The following WWOX variants were observed in gnomAD, a reference collection of about 807,000 sequenced individuals.
WWOX encodes the protein WW domain-containing oxidoreductase.
A neutral mutation model predicts 46.2 loss-of-function variants in WWOX; 69 were observed. That is an observed-to-expected ratio of 1.49 (90% CI 1.23 to 1.82). The LOEUF is 1.82. WWOX is among the 40% of genes most tolerant of loss of function. The probability of loss-of-function intolerance (pLI) is 0.00; values close to 1 mark genes in which losing one functional copy is unlikely to be tolerated. For missense variants in WWOX, 919 were observed against 542.6 expected (o/e 1.69, Z -6.89); for synonymous variants, 359 against 202.6 (o/e 1.77, Z -6.56).
intron 8 of WWOX, among the ~76,000 whole-genome samples, chr16:78,777,269 G>A (rs570775922): frequency 2.0e-5 from 3 of 151,992 alleles, no homozygotes; most frequent in Admixed American, 6.6e-5. Context: ...CCTCTCAGGT[G>A]TCAATGCCAT....
chr16:78,723,567 CT>C (rs1206691099), intron 8 of WWOX, among the ~76,000 whole-genome samples: 1 of 28,340 alleles, frequency 3.5e-5, no homozygotes, highest in African/African-American at 2.0e-4. Context: ...CTTTTCTTTT[CT>C]TTTCTTTTCT....
intron 8 of WWOX, chr16:79,004,072 CTG>C (rs1432899709): frequency 6.6e-6 from 1 of 152,122 alleles, no homozygotes; most frequent in Admixed American, 6.5e-5. Context: ...TCTGGTGTTA[CTG>C]TCTGCATACT....
intron 8 of WWOX, among the ~76,000 whole-genome samples, chr16:79,086,818 G>A (rs961409212): frequency 2.6e-5 from 4 of 152,214 alleles, no homozygotes; most frequent in African/African-American, 9.6e-5. Flanking sequence ...GGGAGGTGAA[G>A]GATGCAGTGA....
At chr16:78,631,299 G>A (rs1013120114) in intron 8 of WWOX, among the ~76,000 whole-genome samples, 2 of 152,004 alleles carry the variant, frequency 1.3e-5, no homozygotes, top group African/African-American at 4.8e-5. Flanking sequence ...TTGTGTCAAG[G>A]CCTCACCACA....
chr16:78,971,826 A>T (rs947296974), intron 8 of WWOX, among the ~76,000 whole-genome samples: 1 of 152,084 alleles, frequency 6.6e-6, no homozygotes, highest in Admixed American at 6.5e-5. Context: ...TTTAAAGAGA[A>T]CACTAACAAG....
intron 8 of WWOX, among the ~76,000 whole-genome samples, chr16:79,182,526 A>T (rs1179062794): frequency 6.6e-6 from 1 of 151,920 alleles, no homozygotes; most frequent in Non-Finnish European, 1.5e-5. Flanking sequence ...AGAAGGAGGG[A>T]AAGTAATTAG....
chr16:79,062,370 C>T (rs945360335), intron 8 of WWOX, among the ~76,000 whole-genome samples: 1 of 152,088 alleles, frequency 6.6e-6, no homozygotes. Context: ...TCATAATAGT[C>T]GTGGAGGGAC....
intron 8 of WWOX, among the ~76,000 whole-genome samples, chr16:79,078,983 A>G (rs2048710951): frequency 6.6e-6 from 1 of 152,246 alleles, no homozygotes; most frequent in Non-Finnish European, 1.5e-5. Flanking sequence ...CAAATTTGAT[A>G]GAAATCAGTA....
chr16:78,688,345 G>A (rs986892710), intron 8 of WWOX, among the ~76,000 whole-genome samples: 1 of 148,648 alleles, frequency 6.7e-6, no homozygotes, highest in African/African-American at 2.5e-5. Flanking sequence ...GATCATTCAT[G>A]ATGAGTCACT....
chr16:78,104,259 C>G (rs2031994115), intron 1 of WWOX, among the ~76,000 whole-genome samples: 1 of 151,348 alleles, frequency 6.6e-6, no homozygotes. Flanking sequence ...CACACACACA[C>G]ACACACACAC....
chr16:79,065,265 C>G (rs564534298), intron 8 of WWOX, among the ~76,000 whole-genome samples: 1 of 152,058 alleles, frequency 6.6e-6, no homozygotes, highest in Non-Finnish European at 1.5e-5. Flanking sequence ...GACATTATGG[C>G]AGGAAAGAAA....
intron 8 of WWOX, among the ~76,000 whole-genome samples, chr16:78,692,107 C>G (rs1307292429): frequency 6.6e-6 from 1 of 152,106 alleles, no homozygotes; most frequent in Non-Finnish European, 1.5e-5. Context: ...CTTTTTCTTC[C>G]CAGTCTCAGG....
intron 5 of WWOX, among the ~76,000 whole-genome samples, chr16:78,216,121 C>A (rs1168143637): frequency 6.6e-6 from 1 of 152,056 alleles, no homozygotes; most frequent in African/African-American, 2.4e-5. Flanking sequence ...CCTGTGTGGA[C>A]CATTCCATCT....
Position 78,573,982 on chromosome 16 carries a change from C to G in WWOX, c.1056+141230C>G, listed in dbSNP as rs1212873880. The stretch of plus-strand genomic sequence containing the variant: ...AATCATATATTGGCCAGGGTGTGTT[C>G]TAATTTGGTAGCTTGACTGGGGAAG... On this transcript the variant is annotated intron_variant, in intron 8 of 8. Transcript: ENST00000566780. Among the ~76,000 whole-genome samples, 5 of 152,290 alleles carry G rather than the reference C, an allele frequency of 3.3e-5. No individual in the cohort carries two copies. In the South Asian group the frequency reaches 6.2e-4, roughly 19 times the overall value.
At chr16:78,397,858 G>A (rs1004209362) in intron 6 of WWOX, among the ~76,000 whole-genome samples, 1 of 152,172 alleles carries the variant, frequency 6.6e-6, no homozygotes, top group Non-Finnish European at 1.5e-5. Context: ...AAGGGAAATC[G>A]TTTTGCTGGA....
chr16:78,597,189 G>C (rs2045511829), intron 8 of WWOX, among the ~76,000 whole-genome samples: 3 of 152,158 alleles, frequency 2.0e-5, no homozygotes, highest in South Asian at 4.1e-4. Flanking sequence ...GCATTTAGTA[G>C]GTAGATCCAA....
intron 8 of WWOX, among the ~76,000 whole-genome samples, chr16:78,433,839 G>C (rs969454242): frequency 2.1e-5 from 3 of 140,036 alleles, no homozygotes; most frequent in African/African-American, 8.1e-5. Flanking sequence ...GCCCAGGCTG[G>C]AGTGCAGTGG....
intron 8 of WWOX, among the ~76,000 whole-genome samples, chr16:78,963,467 C>T (rs552882640): frequency 6.6e-6 from 1 of 152,158 alleles, no homozygotes; most frequent in Non-Finnish European, 1.5e-5. Context: ...TACCCCGTCT[C>T]AGAAACAAAA....
At chr16:78,297,977 C>A (rs2065552417) in intron 5 of WWOX, among the ~76,000 whole-genome samples, 1 of 152,152 alleles carries the variant, frequency 6.6e-6, no homozygotes, top group African/African-American at 2.4e-5. Flanking sequence ...ATCATGGAGA[C>A]CGTTCCCCCG....
Sources: allele counts gnomAD v4.1 joint callset (sites outside exome capture counted in the v4.1 genomes callset), GRCh38; gene constraint gnomAD v4.1.1; transcripts MANE v1.5; gene names NCBI Gene and HGNC (gene_info 2026-07-23, HGNC 2026-07-21).